Variants in WDR47 observed in about 807,000 individuals in gnomAD.
The protein encoded by WDR47 is WD repeat domain 47, also known as WD repeat-containing protein 47.
In WDR47, 32 loss-of-function variants were observed where a neutral mutation model predicts 97.2. That is an observed-to-expected ratio of 0.33 (90% CI 0.25 to 0.44). The LOEUF is 0.44. Ranked by LOEUF, WDR47 falls within the 20% of genes least tolerant of loss-of-function variation. The pLI is 1.00. For missense variants in WDR47, 782 were observed against 1,102.3 expected (o/e 0.71, Z 4.11); for synonymous variants, 375 against 373.5 (o/e 1.00, Z -0.05).
At position 108,970,364 on chromosome 1, in the gene WDR47, A is replaced by G. The variant is rs1657366399; in HGVS notation, c.*1066T>C. ...ACTAATACAACTGCATTTGAAATAA[A>G]TAAAATAGCCTATTTAAATAATTTA... On this transcript the variant is annotated 3_prime_UTR_variant, in exon 15 of 15. Transcript: ENST00000369962. 1 of 152,678 alleles carries G rather than the reference A, an allele frequency of 6.5e-6. No individual in the cohort carries two copies. 9.5% of individuals were successfully genotyped at this position (152,678 alleles called of 1,614,324 possible). A position where few individuals can be genotyped will look rare whatever the true frequency, so the allele number is the denominator to read the frequency against.
intron 12 of WDR47, 125 bp from the exon 13 acceptor site, chr1:108,981,989 G>A: frequency 9.5e-7 from 1 of 1,049,930 alleles, no homozygotes; most frequent in South Asian, 1.7e-5. Flanking sequence ...TCAGGAGGCT[G>A]AGGCAGGAGG....
At chr1:109,037,328 TA>T (rs67766358) in intron 1 of WDR47, among the ~76,000 whole-genome samples, 117 of 116,934 alleles carry the variant, frequency 1.0e-3, no homozygotes, top group Middle Eastern at 7.0e-3. Flanking sequence ...AAACTCCGTC[TA>T]AAAAAAAAAA....
intron 1 of WDR47, among the ~76,000 whole-genome samples, chr1:109,029,446 G>A (rs972975643): frequency 3.9e-5 from 6 of 152,022 alleles, no homozygotes; most frequent in African/African-American, 1.4e-4. Context: ...GATAACCTGA[G>A]GTCAGGAGTT....
At position 108,971,284 on chromosome 1, in the gene WDR47, T is replaced by C; in HGVS notation, c.*146A>G. 2 of 1,097,586 alleles carry C rather than the reference T, an allele frequency of 1.8e-6. No homozygotes were observed. Among genetic ancestry groups the C allele is most frequent in the South Asian group, 1.6e-5 (1 of 62,622 alleles). The allele number at this position is 1,097,586 out of a possible 1,614,324, so 68.0% of individuals were successfully genotyped here. A position where few individuals can be genotyped will look rare whatever the true frequency, so the allele number is the denominator to read the frequency against. On this transcript the variant is annotated 3_prime_UTR_variant, in exon 15 of 15. Coordinates refer to ENST00000369962, the MANE Select transcript of WDR47 (RefSeq NM_001142551.2). The stretch of plus-strand genomic sequence containing the variant: ...CTGCGGAATAACACCACCCAACACC[T>C]CCTATCAGTGGGATACATGGTAATA...
Position 109,004,689 on chromosome 1 carries a change from G to A in WDR47, c.1157C>T (p.Pro386Leu), listed in dbSNP as rs760974216. Residue 386 changes from proline to leucine, a missense_variant, in exon 6 of 15, where the codon CCT (proline) becomes CTT (leucine). Physicochemically the swap from Pro to Leu is moderately conservative, Grantham distance 98. Transcript: ENST00000369962. ...CTGGCCCAAGATTTCACTGCCGATA[G>A]GCCTCTGTGCATCAACAGGTGTATC... The part of the protein sequence containing the change: ...ERDTPVDAQR[P>L]IGSEILGQSS... The A allele has an allele frequency of 1.2e-6, 2 of 1,612,806 alleles. No individual in the cohort carries two copies. The highest frequency in any genetic ancestry group is 4.5e-5 in the East Asian group (2 of 44,774).
intron 5 of WDR47, among the ~76,000 whole-genome samples, chr1:109,008,686 C>T (rs1026606642): frequency 6.6e-6 from 1 of 152,140 alleles, no homozygotes; most frequent in African/African-American, 2.4e-5. Context: ...AGGCTGACTG[C>T]AACCTCCACT....
chr1:109,035,723 C>G (rs555659616), intron 1 of WDR47, among the ~76,000 whole-genome samples: 1 of 151,788 alleles, frequency 6.6e-6, no homozygotes, highest in African/African-American at 2.4e-5. Context: ...CTCGAACTCC[C>G]GACCTCAGGT....
intron 11 of WDR47, among the ~76,000 whole-genome samples, chr1:108,983,036 A>T (rs1299408331): frequency 6.6e-6 from 1 of 152,228 alleles, no homozygotes; most frequent in Non-Finnish European, 1.5e-5. Flanking sequence ...AACATCTGGT[A>T]GCTATTTAAA....
At chr1:109,026,302 C>T (rs765328706) in intron 1 of WDR47, among the ~76,000 whole-genome samples, 13 of 151,446 alleles carry the variant, frequency 8.6e-5, no homozygotes, top group Non-Finnish European at 8.8e-5. Flanking sequence ...CCTCTCGCCT[C>T]GGCATCCCAA....
chr1:108,992,327 A>C, intron 8 of WDR47: 2 of 764,948 alleles, frequency 2.6e-6, no homozygotes, highest in South Asian at 2.8e-5. Flanking sequence ...GGAATCATGC[A>C]AATCAAGAGG....
chr1:108,978,220 A>G (rs553292781), intron 13 of WDR47, among the ~76,000 whole-genome samples: 10 of 151,786 alleles, frequency 6.6e-5, no homozygotes, highest in African/African-American at 9.7e-5. Context: ...TCACGCCTGT[A>G]ATCCCAGCAC....
intron 1 of WDR47, among the ~76,000 whole-genome samples, chr1:109,036,303 G>A (rs149555181): frequency 6.6e-6 from 1 of 152,220 alleles, no homozygotes; most frequent in African/African-American, 2.4e-5. Flanking sequence ...GCCAGGCGCG[G>A]TGGCTCACAT....
chr1:109,021,084 T>C (rs1387156224), intron 2 of WDR47, among the ~76,000 whole-genome samples: 1 of 152,160 alleles, frequency 6.6e-6, no homozygotes, highest in Non-Finnish European at 1.5e-5. Flanking sequence ...AAAAATAGAA[T>C]ACACTTCTGC....
intron 2 of WDR47, among the ~76,000 whole-genome samples, chr1:109,018,620 G>A (rs1661595218): frequency 6.6e-6 from 1 of 151,890 alleles, no homozygotes; most frequent in Non-Finnish European, 1.5e-5. Flanking sequence ...TTCGAAACCA[G>A]CCTGGGAAAC....
In WDR47 at chr1:109,017,313, G is replaced by T. The variant is rs111860474; in HGVS notation, c.242+205C>A. On this transcript the variant is annotated intron_variant, in intron 3 of 14. Transcript: ENST00000369962. ...AGCTACTTGAGAGGCTGAAGTGGGAGGATTGCTTGAGCCCAGGAGACCAAG... is the reference window on the plus strand; with the variant it reads ...AGCTACTTGAGAGGCTGAAGTGGGATGATTGCTTGAGCCCAGGAGACCAAG... Among the ~76,000 whole-genome samples, 319 of 152,252 alleles carry T rather than the reference G, an allele frequency of 2.1e-3. 2 individuals carry two copies. Among genetic ancestry groups the T allele is most frequent in the African/African-American group, 7.5e-3 (310 of 41,538 alleles).
chr1:109,034,541 A>C (rs1401745000), intron 1 of WDR47, among the ~76,000 whole-genome samples: 1 of 152,214 alleles, frequency 6.6e-6, no homozygotes, highest in Non-Finnish European at 1.5e-5. Flanking sequence ...TGAGCTGCAC[A>C]GCAGGAGGTG....
At chr1:108,979,486 C>T (rs1301640622) in intron 13 of WDR47, among the ~76,000 whole-genome samples, 1 of 152,036 alleles carries the variant, frequency 6.6e-6, no homozygotes, top group East Asian at 1.9e-4. Flanking sequence ...GACTGCGACA[C>T]TGCATTCCAG....
chr1:109,012,849 C>T (rs1661148230), intron 4 of WDR47, among the ~76,000 whole-genome samples: 2 of 152,142 alleles, frequency 1.3e-5, no homozygotes, highest in Non-Finnish European at 2.9e-5. Context: ...GGTCTCCTAA[C>T]TCATGTTCCA....
intron 5 of WDR47, among the ~76,000 whole-genome samples, chr1:109,006,582 TTA>T (rs1212194482): frequency 1.1e-4 from 16 of 152,324 alleles, no homozygotes; most frequent in Middle Eastern, 3.4e-3. Context: ...TCCATATGCA[TTA>T]TCTCATTTAA....
Sources: gnomAD v4.1 joint callset for allele counts (sites outside exome capture counted in the v4.1 genomes callset) on GRCh38, gnomAD v4.1.1 for gene constraint, MANE v1.5 for transcripts, NCBI Gene and HGNC (gene_info 2026-07-23, HGNC 2026-07-21) for gene names.